Variants in P4HA3 observed in about 807,000 individuals in gnomAD.
P4HA3 encodes prolyl 4-hydroxylase subunit alpha-3.
In P4HA3, 60 loss-of-function variants were observed where a neutral mutation model predicts 66.7. The observed-to-expected ratio is 0.90, with a 90% CI of 0.73 to 1.12. The LOEUF (loss-of-function observed/expected upper bound fraction) is 1.12. Ranked by LOEUF, P4HA3 falls within the 50% of genes most tolerant of loss-of-function variation. P4HA3 has a pLI of 0.00. For synonymous variants in P4HA3, 263 were observed against 274.6 expected, an observed-to-expected ratio of 0.96 and a Z score of 0.42; for missense variants, 683 against 685.8, an observed-to-expected ratio of 1.00 and a Z score of 0.05.
intron 15 of P4HA3, chr11:74,253,583 C>CA: frequency 6.7e-7 from 1 of 1,482,400 alleles, no homozygotes; most frequent in Non-Finnish European, 9.4e-7. Flanking sequence ...ACTGTGATGC[C>CA]ACTGTCTCCT....
rs764553835 is a variant in P4HA3, at chr11:74,286,258, G to C, written c.903C>G (p.Tyr301Ter). 1 of 1,613,030 alleles carries C rather than the reference G, an allele frequency of 6.2e-7. No homozygotes were observed. The highest frequency in any genetic ancestry group is 8.5e-7 in the Non-Finnish European group (1 of 1,179,728). The change falls in exon 6 of 13, where the codon TAC (tyrosine) becomes TAG (stop). Residue 301 changes from tyrosine (Y) to a stop codon, truncating the protein, a stop_gained. Transcript: ENST00000331597. LOFTEE classifies it high-confidence loss of function. Reference protein sequence around the residue: ...NIPHLQTRDTYEGLCQTLGSQ... With the variant: ...NIPHLQTRDT ...AACCCAGGGTCTGACATAGCCCCTC[G>C]TAGGTGTCTCTGGTCTGCAGGTGGG...
At chr11:74,259,245 G>C (rs910599911) in intron 15 of P4HA3, among the ~76,000 whole-genome samples, 1 of 152,156 alleles carries the variant, frequency 6.6e-6, no homozygotes, top group Admixed American at 6.5e-5. Flanking sequence ...CGGGTGTGGT[G>C]GTGGGTGCCT....
At chr11:74,251,235 T>G in intron 15 of P4HA3, 1 of 1,400,802 alleles carries the variant, frequency 7.1e-7, no homozygotes, top group South Asian at 1.7e-5. Flanking sequence ...ACTCTGCTAT[T>G]TCATCCCAGG....
At chr11:74,272,878 A>G (rs1860255143) in intron 10 of P4HA3, among the ~76,000 whole-genome samples, 1 of 152,208 alleles carries the variant, frequency 6.6e-6, no homozygotes, top group South Asian at 2.1e-4. Context: ...CATAGAGACG[A>G]AAGTAAACCC....
At chr11:74,301,403 C>T (rs189082469) in intron 3 of P4HA3, among the ~76,000 whole-genome samples, 4 of 152,258 alleles carry the variant, frequency 2.6e-5, no homozygotes, top group Admixed American at 2.6e-4. Flanking sequence ...AACTACTTTA[C>T]CTGGCTTAAA....
At chr11:74,260,340 A>T (rs1453622839) in intron 14 of P4HA3, among the ~76,000 whole-genome samples, 4 of 152,192 alleles carry the variant, frequency 2.6e-5, no homozygotes, top group African/African-American at 9.7e-5. Context: ...ACACAGTGGC[A>T]GCAGGATAAA....
At chr11:74,306,183 A>G (rs766429942) in intron 1 of P4HA3, among the ~76,000 whole-genome samples, 2 of 152,218 alleles carry the variant, frequency 1.3e-5, no homozygotes, top group Middle Eastern at 3.4e-3. Context: ...TGTAAAGGGG[A>G]ATAAGAGGTG....
chr11:74,299,561 C>T (rs945386593), intron 3 of P4HA3, among the ~76,000 whole-genome samples: 1 of 151,870 alleles, frequency 6.6e-6, no homozygotes, highest in Middle Eastern at 3.4e-3. Flanking sequence ...CCATGAGTAA[C>T]TTCAAGTCCC....
At chr11:74,257,260 G>A (rs1859845058) in intron 15 of P4HA3, among the ~76,000 whole-genome samples, 1 of 152,170 alleles carries the variant, frequency 6.6e-6, no homozygotes, top group Admixed American at 6.5e-5. Flanking sequence ...AAGTAGTTGG[G>A]GTTTCAGGTG....
At chr11:74,299,679 A>C (rs1381885139) in intron 3 of P4HA3, among the ~76,000 whole-genome samples, 1 of 151,912 alleles carries the variant, frequency 6.6e-6, no homozygotes, top group African/African-American at 2.4e-5. Context: ...AAAAAAAAAA[A>C]AAAACAACAG....
intron 4 of P4HA3, among the ~76,000 whole-genome samples, chr11:74,289,584 A>G: frequency 7.3e-6 from 1 of 137,296 alleles, no homozygotes; most frequent in East Asian, 2.5e-4. Context: ...TCCTAAAGCT[A>G]TCCCTCCCCC....
chr11:74,266,884 C>T lies in P4HA3; in HGVS notation c.*364G>A, dbSNP rs1012602735. ...CCTGCAGGTGTCCTCATTGCCACTT[C>T]TTGGTCCCTGTGGTCAAGGTTCAAA... is the stretch of plus-strand genomic sequence containing the variant. On this transcript the variant is annotated 3_prime_UTR_variant, in exon 13 of 13. Transcript: ENST00000331597. The T allele has an allele frequency of 2.9e-5, 26 of 891,556 alleles. No homozygotes were observed. Among genetic ancestry groups the T allele is most frequent in the Non-Finnish European group, 4.3e-5 (26 of 605,964 alleles). 55.2% of individuals were successfully genotyped at this position (891,556 alleles called of 1,614,324 possible).
Position 74,302,361 on chromosome 11 carries a change from A to T in P4HA3, c.567+8T>A. 6.2e-7 allele frequency: 1 copy of T among 1,609,666 alleles called. No individual in the cohort carries two copies. The highest frequency in any genetic ancestry group is 1.1e-5 in the South Asian group (1 of 90,602). On this transcript the variant is annotated splice_region_variant and intron_variant, in intron 3 of 12. Transcript: ENST00000331597. ...CCAAGCAATTGGCCCTCTCTTGAAT[A>T]TTGTTACCTTGCCAACTTGGAAGCA...
chr11:74,267,405 G>A (rs568757732), intron 12 of P4HA3, 87 bp from the exon 13 acceptor site: 20 of 1,471,076 alleles, frequency 1.4e-5, no homozygotes, highest in East Asian at 1.1e-4. Flanking sequence ...TCATAGGCGC[G>A]TGTGAGTGCC....
In P4HA3 at chr11:74,285,749, C is replaced by G. The variant is rs1304721327; in HGVS notation, c.1110+60G>C. The G allele has an allele frequency of 3.9e-6, 6 of 1,552,048 alleles. No homozygotes were observed. In the African/African-American group the frequency reaches 8.2e-5, roughly 21 times the overall value. On this transcript the variant is annotated intron_variant, in intron 7 of 12. Coordinates refer to ENST00000331597, the MANE Select transcript of P4HA3 (RefSeq NM_182904.5). ...GTTCAGGTTGCCTATTCTTACACTCCTGAACTCCAGGCATGTGAAGATGAA... is the reference window on the plus strand; with the variant it reads ...GTTCAGGTTGCCTATTCTTACACTCGTGAACTCCAGGCATGTGAAGATGAA...
intron 3 of P4HA3, among the ~76,000 whole-genome samples, chr11:74,299,620 G>A (rs76817851): frequency 0.04 from 6,000 of 150,162 alleles, 127 homozygotes; most frequent in Middle Eastern, 0.11. Context: ...ACACAAATTC[G>A]GACACTTTGA....
At chr11:74,269,215 T>A (rs1327484626) in intron 11 of P4HA3, among the ~76,000 whole-genome samples, 3 of 152,170 alleles carry the variant, frequency 2.0e-5, no homozygotes, top group Non-Finnish European at 4.4e-5. Context: ...CAAATCCCTA[T>A]TGCAACATCA....
chr11:74,265,611 C>T (rs571248047), downstream of P4HA3, among the ~76,000 whole-genome samples: 2 of 152,336 alleles, frequency 1.3e-5, no homozygotes, highest in East Asian at 3.9e-4. Flanking sequence ...GCCTTAGCCC[C>T]TGCTAGACCT....
At chr11:74,261,310 A>G (rs1370704618) in intron 14 of P4HA3, among the ~76,000 whole-genome samples, 1 of 152,140 alleles carries the variant, frequency 6.6e-6, no homozygotes, top group African/African-American at 2.4e-5. Flanking sequence ...TGAGTATGCA[A>G]AAAAGGTTAA....
Sources: gnomAD v4.1 joint callset for allele counts (sites outside exome capture counted in the v4.1 genomes callset) on GRCh38, gnomAD v4.1.1 for gene constraint, MANE v1.5 for transcripts, NCBI Gene and HGNC (gene_info 2026-07-23, HGNC 2026-07-21) for gene names.